ZNF77: variants seen among roughly 807,000 people sequenced by gnomAD.
ZNF77 encodes zinc finger protein 77.
In ZNF77, 15 loss-of-function variants were observed where a neutral mutation model predicts 13.5. The observed-to-expected ratio is 1.11, with a 90% CI of 0.74 to 1.71. The LOEUF (loss-of-function observed/expected upper bound fraction) is 1.71. Ranked by LOEUF, ZNF77 falls within the 40% of genes most tolerant of loss-of-function variation. The pLI is 0.00. For synonymous variants in ZNF77, 282 were observed against 250.0 expected, an observed-to-expected ratio of 1.13 and a Z score of -1.21; for missense variants, 717 against 676.4, an observed-to-expected ratio of 1.06 and a Z score of -0.67.
rs780760243 is a variant in ZNF77 at position 2,933,896 on chromosome 19, T to C, written c.1231A>G (p.Lys411Glu). 6.2e-7 allele frequency: 1 copy of C among 1,613,794 alleles called. No homozygotes were observed. The highest frequency in any genetic ancestry group is 1.7e-5 in the Admixed American group (1 of 59,948). The change falls in exon 4 of 4, where the codon AAA becomes GAA. Residue 411 changes from lysine to glutamate, a missense_variant. By Grantham distance (56) the Lys-to-Glu change is moderately conservative. Coordinates refer to ENST00000314531, the MANE Select transcript of ZNF77 (RefSeq NM_021217.3). Reference sequence around the variant, plus strand: ...AAACTGTAGGCTTTCCCACACTCTTTACATTGATAGGGCTTCACCCCGCTG... The same window carrying C: ...AAACTGTAGGCTTTCCCACACTCTTCACATTGATAGGGCTTCACCCCGCTG... Reference protein sequence around the residue: ...THSGVKPYQCKECGKAYSFSS... With the variant: ...THSGVKPYQCEECGKAYSFSS...
At position 2,944,802 on chromosome 19, in the gene ZNF77, C is replaced by A. The variant is rs1032459904; in HGVS notation, c.3+36G>T. 1.4e-5 allele frequency: 21 copies of A among 1,510,556 alleles called. No individual in the cohort carries two copies. The Middle Eastern group carries it at 6.9e-4, about 50-fold the overall frequency. The allele number at this position is 1,510,556 out of a possible 1,614,324, so 93.6% of individuals were successfully genotyped here. ...AGCCGGTTCCTGCCGCCCCACCTCG[C>A]CCTGGGCCCGGGCTCGGCTCCCGCC... On this transcript the variant is annotated intron_variant, in intron 1 of 3. Transcript: ENST00000314531.
chr19:2,938,090 G>A (rs191829003), intron 2 of ZNF77, among the ~76,000 whole-genome samples: 6 of 152,156 alleles, frequency 3.9e-5, no homozygotes, highest in South Asian at 4.2e-4. Flanking sequence ...GATGCCAAAC[G>A]GAACCTTCTT....
intron 3 of ZNF77, among the ~76,000 whole-genome samples, chr19:2,935,917 G>A (rs1286573946): frequency 6.6e-6 from 1 of 152,020 alleles, no homozygotes; most frequent in Non-Finnish European, 1.5e-5. Flanking sequence ...TTGGGAGGAT[G>A]AGGTGGGAGG....
chr19:2,934,411 G>T lies in ZNF77; in HGVS notation c.716C>A (p.Thr239Asn). The change falls in exon 4 of 4, where the codon ACC becomes AAC. Residue 239 changes from threonine to asparagine, a missense_variant. By Grantham distance (65) the Thr-to-Asn change is moderately conservative (BLOSUM62 0). Transcript: ENST00000314531. Reference protein sequence around the residue: ...GHVNSHHGQKTHACKVCGKTF... With the variant: ...GHVNSHHGQKNHACKVCGKTF... The stretch of plus-strand genomic sequence containing the variant: ...CTTCCCACATACTTTACATGCATGG[G>T]TTTTCTGCCCATGATGACTATTCAC... 1 of 1,614,228 alleles carries T rather than the reference G, an allele frequency of 6.2e-7. No homozygotes were observed. The highest frequency in any genetic ancestry group is 1.1e-5 in the South Asian group (1 of 91,080).
chr19:2,933,318 G>A lies in ZNF77; in HGVS notation c.*171C>T. The A allele has an allele frequency of 1.5e-6, 1 of 680,696 alleles. No individual in the cohort carries two copies. Among genetic ancestry groups the A allele is most frequent in the Non-Finnish European group, 2.3e-6 (1 of 434,106 alleles). 42.2% of individuals were successfully genotyped at this position (680,696 alleles called of 1,614,324 possible). A position where few individuals can be genotyped will look rare whatever the true frequency, so the allele number is the denominator to read the frequency against. On this transcript the variant is annotated 3_prime_UTR_variant, in exon 4 of 4. Coordinates refer to ENST00000314531, the MANE Select transcript of ZNF77 (RefSeq NM_021217.3). ...CACTATTAAGGCTGAGGCATGTAAA[G>A]GCAATACCATATTAATCATAATTAA...
intron 1 of ZNF77, among the ~76,000 whole-genome samples, chr19:2,942,471 CCCT>C (rs781552485): frequency 3.0e-4 from 46 of 151,002 alleles, no homozygotes; most frequent in Admixed American, 6.0e-4. Context: ...CGATTCTCCC[CCCT>C]CAGCCTCTCA....
In ZNF77 at chr19:2,934,756, C is replaced by T; in HGVS notation, c.371G>A (p.Ser124Asn). ...GTGCACAAGAAGGTTCGCAGTCTGG[C>T]TCAAGGTCTCTCCGCATTGATGACC... ...NEGHQCGETL[S>N]QTANLLVHKS... The change falls in exon 4 of 4, where the codon AGC becomes AAC. Residue 124 changes from serine to asparagine, a missense_variant. By Grantham distance (46) the Ser-to-Asn change is conservative (BLOSUM62 1). Transcript: ENST00000314531. 6.2e-7 allele frequency: 1 copy of T among 1,614,100 alleles called. No individual in the cohort carries two copies. The highest frequency in any genetic ancestry group is 8.5e-7 in the Non-Finnish European group (1 of 1,179,984).
In ZNF77 at chr19:2,933,462, T is replaced by C. The variant is rs1451988646; in HGVS notation, c.*27A>G. On this transcript the variant is annotated 3_prime_UTR_variant, in exon 4 of 4. Coordinates refer to ENST00000314531, the MANE Select transcript of ZNF77 (RefSeq NM_021217.3). The stretch of plus-strand genomic sequence containing the variant: ...ACAACAAGGTTTTACGGTTGAACAC[T>C]CTCCCAGGTCCACTGTATTCGTAGA... The C allele has an allele frequency of 3.3e-6, 5 of 1,516,190 alleles. No homozygotes were observed. The highest frequency in any genetic ancestry group is 4.4e-6 in the Non-Finnish European group (5 of 1,132,512). 93.9% of individuals were successfully genotyped at this position (1,516,190 alleles called of 1,614,324 possible).
chr19:2,942,320 T>A lies in ZNF77; in HGVS notation c.3+2518A>T, dbSNP rs146586983. ...TTCCTGACCTTGTGATCCGCCCACC[T>A]CAGCCACTCAAAGTGCTAGGATTAC... On this transcript the variant is annotated intron_variant, in intron 1 of 3. Transcript: ENST00000314531. Among the ~76,000 whole-genome samples the A allele has an allele frequency of 4.2e-3, 623 of 149,098 alleles. 2 individuals are homozygous for A. The highest frequency in any genetic ancestry group is 0.014 in the African/African-American group (586 of 40,616).
rs538901422 is a variant in ZNF77, at chr19:2,936,234, G to A, written c.311+290C>T. ...GCGATCTCAGCTCACTGCAACCTCCGCCTCCTGGGTTCAAGCGATTCTCCT... is the reference window on the plus strand; with the variant it reads ...GCGATCTCAGCTCACTGCAACCTCCACCTCCTGGGTTCAAGCGATTCTCCT... On this transcript the variant is annotated intron_variant, in intron 3 of 3. Transcript: ENST00000314531. Among the ~76,000 whole-genome samples the A allele has an allele frequency of 2.7e-4, 41 of 151,768 alleles. 1 individual carries two copies. The East Asian group carries it at 4.3e-3, about 16-fold the overall frequency.
At chr19:2,939,670 A>G in intron 1 of ZNF77, 1 of 445,310 alleles carries the variant, frequency 2.2e-6, no homozygotes. Context: ...GAAACACTGA[A>G]AAATCTGAAA....
chr19:2,935,503 T>G (rs1338355578), intron 3 of ZNF77, among the ~76,000 whole-genome samples: 1 of 149,850 alleles, frequency 6.7e-6, no homozygotes, highest in East Asian at 1.9e-4. Flanking sequence ...CGTATTTTTT[T>G]TTTTTTCAGT....
chr19:2,943,153 T>C (rs2088465072), intron 1 of ZNF77, among the ~76,000 whole-genome samples: 1 of 151,978 alleles, frequency 6.6e-6, no homozygotes, highest in African/African-American at 2.4e-5. Flanking sequence ...TCCCTGTGGC[T>C]ACAGCATTAG....
chr19:2,938,025 G>A (rs1041018129), intron 2 of ZNF77, among the ~76,000 whole-genome samples: 2 of 152,158 alleles, frequency 1.3e-5, no homozygotes, highest in African/African-American at 2.4e-5. Context: ...CCAAAGTGCT[G>A]GGATTACAGG....
Position 2,938,971 on chromosome 19 carries a change from A to T in ZNF77, c.130+310T>A, listed in dbSNP as rs149907845. Among the ~76,000 whole-genome samples, 405 of 151,952 alleles carry T rather than the reference A, an allele frequency of 2.7e-3. 6 individuals are homozygous for T. The highest frequency in any genetic ancestry group is 9.2e-3 in the African/African-American group (381 of 41,476). On this transcript the variant is annotated intron_variant, in intron 2 of 3. Coordinates refer to ENST00000314531, the MANE Select transcript of ZNF77 (RefSeq NM_021217.3). ...ACTCCGTCTCAAAAAAATAAAAAAAAAAAAAAAGAAAACCAAGGTCTCTTT... is the reference window on the plus strand; with the variant it reads ...ACTCCGTCTCAAAAAAATAAAAAAATAAAAAAAGAAAACCAAGGTCTCTTT...
At chr19:2,938,094 C>T (rs2088413658) in intron 2 of ZNF77, among the ~76,000 whole-genome samples, 1 of 152,132 alleles carries the variant, frequency 6.6e-6, no homozygotes, top group Non-Finnish European at 1.5e-5. Context: ...CCAAACGGAA[C>T]CTTCTTATCC....
intron 1 of ZNF77, among the ~76,000 whole-genome samples, chr19:2,944,517 G>C (rs1278983967): frequency 6.7e-6 from 1 of 149,748 alleles, no homozygotes; most frequent in Non-Finnish European, 1.5e-5. Flanking sequence ...AACTGCCCCT[G>C]TGCCCCTTAA....
At chr19:2,941,002 C>G (rs2088443863) in intron 1 of ZNF77, among the ~76,000 whole-genome samples, 1 of 151,654 alleles carries the variant, frequency 6.6e-6, no homozygotes, top group Non-Finnish European at 1.5e-5. Flanking sequence ...TGGTGAAACC[C>G]TGTCTCTACA....
intron 1 of ZNF77, among the ~76,000 whole-genome samples, chr19:2,941,428 G>T (rs1008670984): frequency 6.6e-6 from 1 of 151,862 alleles, no homozygotes; most frequent in Non-Finnish European, 1.5e-5. Flanking sequence ...AGTGAGCTGA[G>T]ATCAAGCCAC....
Sources: gnomAD v4.1 joint callset for allele counts (sites outside exome capture counted in the v4.1 genomes callset) on GRCh38, gnomAD v4.1.1 for gene constraint, MANE v1.5 for transcripts, NCBI Gene and HGNC (gene_info 2026-07-23, HGNC 2026-07-21) for gene names.